DHRS2: variants seen among roughly 807,000 people sequenced by gnomAD.
DHRS2 encodes the protein dehydrogenase/reductase SDR family member 2, mitochondrial.
Under a neutral mutation model 26.3 loss-of-function variants are expected in DHRS2, and 29 were observed. The ratio of observed to expected loss-of-function variants is 1.10; its 90% confidence interval spans 0.82 to 1.50. The LOEUF is 1.50. DHRS2 is among the 40% of genes most tolerant of loss of function. The pLI, the probability that DHRS2 is intolerant of heterozygous loss-of-function variation, is 0.00. For synonymous variants in DHRS2, 164 were observed against 151.3 expected, an observed-to-expected ratio of 1.08 and a Z score of -0.62; for missense variants, 439 against 367.1, an observed-to-expected ratio of 1.20 and a Z score of -1.60.
chr14:23,642,224 C>T, intron 4 of DHRS2: 1 of 919,752 alleles, frequency 1.1e-6, no homozygotes, highest in Non-Finnish European at 1.3e-6. Context: ...TGTGTGTAGG[C>T]CCTTACAGCC....
chr14:23,641,116 G>C (rs1890641867), intron 4 of DHRS2: 1 of 154,146 alleles, frequency 6.5e-6, no homozygotes, highest in Admixed American at 6.3e-5. Context: ...AATCATTGAT[G>C]ACTCGTCCCC....
At chr14:23,645,044 T>C (rs570305779) in intron 8 of DHRS2, 98 bp from the exon 9 acceptor site, 1 of 1,590,484 alleles carries the variant, frequency 6.3e-7, no homozygotes, top group African/African-American at 1.3e-5. Context: ...GCATCCACCT[T>C]GTTCCCCATG....
intron 4 of DHRS2, chr14:23,640,898 T>G (rs1445232599): frequency 6.6e-6 from 1 of 152,268 alleles, no homozygotes; most frequent in African/African-American, 2.4e-5. Context: ...AGCTGGGATT[T>G]TATTGCTGAC....
intron 2 of DHRS2, 42 bp downstream of exon 2, chr14:23,639,046 TCCTTGTGGCTTCCACA>T (rs1418614200): frequency 1.2e-6 from 2 of 1,601,612 alleles, no homozygotes; most frequent in East Asian, 4.5e-5. Context: ...CCTCACAGGG[TCCTTGTGGCTTCCACA>T]AGGACTCAGG....
Position 23,639,853 on chromosome 14 carries a change from G to C in DHRS2, c.378G>C (p.Leu126=), listed in dbSNP as rs1453397576. ...FLVCSAGVNP[L]VGSTLGTSEQ... is the part of the protein sequence containing the mutation. ...TGTGCAGCGCAGGGGTCAACCCTCT[G>C]GTAGGGAGCACTCTGGGGACCAGTG... Residue 126 remains leucine (L), a synonymous_variant, in exon 4 of 9, where the codon CTG becomes CTC. Transcript: ENST00000250383. The C allele has an allele frequency of 1.9e-6, 3 of 1,610,364 alleles. No homozygotes were observed. Among genetic ancestry groups the C allele is most frequent in the Non-Finnish European group, 2.5e-6 (3 of 1,178,108 alleles).
intron 4 of DHRS2, chr14:23,641,608 G>A (rs1890672592): frequency 7.8e-7 from 1 of 1,289,202 alleles, no homozygotes; most frequent in African/African-American, 1.5e-5. Context: ...GCTGGTTGGG[G>A]TCTGTTTTGA....
At chr14:23,640,377 G>A (rs1890598286) in intron 4 of DHRS2, 19 of 985,412 alleles carry the variant, frequency 1.9e-5, no homozygotes, top group Non-Finnish European at 2.2e-5. Context: ...CAAACTTGCC[G>A]ACAGGACCAG....
chr14:23,645,522 G>A lies in DHRS2; in HGVS notation c.*269G>A. On this transcript the variant is annotated 3_prime_UTR_variant, in exon 9 of 9. Transcript: ENST00000250383. ...AGGATTTTATGGAGCTGGTGCTTTG[G>A]AGGAATCTTAAGGGAAAGGAGTAGA... 1 of 570,224 alleles carries A rather than the reference G, an allele frequency of 1.8e-6. No homozygotes were observed. Among genetic ancestry groups the A allele is most frequent in the African/African-American group, 1.9e-5 (1 of 53,436 alleles). The allele number at this position is 570,224 out of a possible 1,614,324, so 35.3% of individuals were successfully genotyped here.
At chr14:23,645,098 A>T in intron 8 of DHRS2, 44 bp from the exon 9 acceptor site, 1 of 1,611,436 alleles carries the variant, frequency 6.2e-7, no homozygotes, top group Middle Eastern at 1.7e-4. Flanking sequence ...GAGCAGCAGA[A>T]TCAGAGTACA....
rs368578886 is a variant in DHRS2, at chr14:23,639,263, G to T, written c.225G>T (p.Arg75=). 6.2e-7 allele frequency: 1 copy of T among 1,612,676 alleles called. No individual in the cohort carries two copies. The highest frequency in any genetic ancestry group is 8.5e-7 in the Non-Finnish European group (1 of 1,179,416). The change falls in exon 3 of 9, where the codon CGG becomes CGT. Residue 75 remains arginine (R), a synonymous_variant. Coordinates refer to ENST00000250383, the MANE Select transcript of DHRS2 (RefSeq NM_005794.4). ...ISSRKQQNVD[R]AMAKLQGEGL... The stretch of plus-strand genomic sequence containing the variant: ...GCCGGAAGCAGCAGAACGTGGACCG[G>T]GCCATGGCCAAGCTGCAGGGGGAGG...
Position 23,639,301 on chromosome 14 carries a change from C to G in DHRS2, c.263C>G (p.Ala88Gly), listed in dbSNP as rs562246921. Residue 88 changes from alanine to glycine, a missense_variant, in exon 3 of 9, where the codon GCG (alanine) becomes GGG (glycine). Ala to Gly is a moderately conservative substitution (Grantham distance 60). Transcript: ENST00000250383. ...CTGCAGGGGGAGGGGCTGAGTGTGG[C>G]GGGCATTGTGTGCCACGTGGGGAAG... is the stretch of plus-strand genomic sequence containing the variant. ...AKLQGEGLSV[A>G]GIVCHVGKAE... is the part of the protein sequence containing the mutation. The G allele has an allele frequency of 1.3e-6, 2 of 1,597,978 alleles. No individual in the cohort carries two copies. The highest frequency in any genetic ancestry group is 2.7e-5 in the African/African-American group (2 of 74,476).
chr14:23,643,418 C>A (rs946703984), intron 5 of DHRS2, 199 bp downstream of exon 5: 2 of 575,750 alleles, frequency 3.5e-6, no homozygotes, highest in Non-Finnish European at 6.2e-6. Flanking sequence ...GAGTAGTATT[C>A]CAGGGGCCCA....
At chr14:23,630,484 T>G (rs950237795) in intron 1 of DHRS2, among the ~76,000 whole-genome samples, 3 of 152,368 alleles carry the variant, frequency 2.0e-5, no homozygotes, top group East Asian at 3.9e-4. Flanking sequence ...GTCAACCCCT[T>G]ATTTTACTGT....
chr14:23,642,935 G>T (rs1890726348), intron 4 of DHRS2: 3 of 509,578 alleles, frequency 5.9e-6, no homozygotes, highest in Non-Finnish European at 1.1e-5. Flanking sequence ...ACATTTTCAG[G>T]GCTCTGCTCA....
chr14:23,637,350 C>T (rs1170483167), intron 1 of DHRS2, among the ~76,000 whole-genome samples: 2 of 152,118 alleles, frequency 1.3e-5, no homozygotes, highest in East Asian at 1.9e-4. Flanking sequence ...AATTTTTGCC[C>T]AAAGCCCAGT....
chr14:23,643,214 G>A lies in DHRS2; in HGVS notation c.483G>A (p.Glu161=). 6.2e-7 allele frequency: 1 copy of A among 1,613,962 alleles called. No homozygotes were observed. The highest frequency in any genetic ancestry group is 8.5e-7 in the Non-Finnish European group (1 of 1,179,982). Residue 161 remains glutamate (E), a synonymous_variant, in exon 5 of 9, where the codon GAG becomes GAA. Coordinates refer to ENST00000250383, the MANE Select transcript of DHRS2 (RefSeq NM_005794.4). ...LLLSQLLPYM[E]NRRGAVILVS... ...TGAGCCAGTTGCTGCCCTACATGGA[G>A]AACAGGTATGGCAGGGCGGGGGTGG...
At chr14:23,644,380 C>A in intron 6 of DHRS2, 29 bp from the exon 7 acceptor site, 1 of 1,613,698 alleles carries the variant, frequency 6.2e-7, no homozygotes, top group South Asian at 1.1e-5. Context: ...TCTCCCATAT[C>A]CTAATCACTC....
intron 4 of DHRS2, chr14:23,640,541 C>T: frequency 1.7e-6 from 1 of 580,650 alleles, no homozygotes; most frequent in Non-Finnish European, 2.2e-6. Flanking sequence ...GACTTCTGTT[C>T]CCTTCACTCT....
chr14:23,641,916 C>CAGA (rs1890687913), intron 4 of DHRS2: 17 of 1,193,608 alleles, frequency 1.4e-5, no homozygotes, highest in Non-Finnish European at 1.6e-5. Flanking sequence ...TGAATCAGGA[C>CAGA]AGATCCCTGC....
Sources: gnomAD v4.1 joint callset for allele counts (sites outside exome capture counted in the v4.1 genomes callset) on GRCh38, gnomAD v4.1.1 for gene constraint, MANE v1.5 for transcripts, NCBI Gene and HGNC (gene_info 2026-07-23, HGNC 2026-07-21) for gene names.